Variants in XXYLT1 observed in about 807,000 individuals in gnomAD.
XXYLT1 encodes xyloside xylosyltransferase 1.
Under a neutral mutation model 28.9 loss-of-function variants are expected in XXYLT1, and 20 were observed. The observed-to-expected ratio is 0.69, with a 90% CI of 0.49 to 1.00. XXYLT1 has a LOEUF of 1.00. XXYLT1 is among the 50% of genes least tolerant of loss of function. XXYLT1 has a pLI of 0.00. For synonymous variants in XXYLT1, 257 were observed against 253.8 expected (o/e 1.01, Z -0.12); for missense variants, 542 against 560.1 (o/e 0.97, Z 0.33).
At chr3:195,137,245 G>A (rs1293658618) in intron 3 of XXYLT1, among the ~76,000 whole-genome samples, 1 of 152,170 alleles carries the variant, frequency 6.6e-6, no homozygotes, top group East Asian at 1.9e-4. Context: ...AGGGACAGGG[G>A]CATTACAAAC....
chr3:195,119,287 C>CA (rs11328657), intron 3 of XXYLT1, among the ~76,000 whole-genome samples: 2,972 of 109,556 alleles, frequency 0.027, 113 homozygotes, highest in African/African-American at 0.093. Context: ...CCATCTCAAA[C>CA]AAAAAAAAAA....
intron 1 of XXYLT1, among the ~76,000 whole-genome samples, chr3:195,252,692 CCACACACACACACA>C (rs774827660): frequency 8.3e-5 from 7 of 84,150 alleles, no homozygotes; most frequent in Non-Finnish European, 1.1e-4. Flanking sequence ...AGAAAAAAAA[CCACACACACACACA>C]CACACACACA....
chr3:195,261,517 T>C (rs543317401), intron 1 of XXYLT1, among the ~76,000 whole-genome samples: 248 of 152,332 alleles, frequency 1.6e-3, no homozygotes, highest in African/African-American at 5.5e-3. Context: ...GCTACTATTA[T>C]TCTCCTCATC....
At chr3:195,228,073 C>A (rs1433953631) in intron 1 of XXYLT1, among the ~76,000 whole-genome samples, 1 of 152,242 alleles carries the variant, frequency 6.6e-6, no homozygotes, top group Non-Finnish European at 1.5e-5. Context: ...CCTCCACCTT[C>A]TTCCTCAGTG....
rs6797160 is a variant in XXYLT1 at position 195,129,930 on chromosome 3, A to G, written c.785+26519T>C. ...TGTACCACTTCATATTCCCACCACC[A>G]GTGAGTGCGGGTTCCCATGCCTCCA... On this transcript the variant is annotated intron_variant, in intron 3 of 3. Coordinates refer to ENST00000310380, the MANE Select transcript of XXYLT1 (RefSeq NM_152531.5). This position sits in a 1 kb window ranked among gnomAD's most constrained non-coding sequence, Gnocchi z 4.4. Among the ~76,000 whole-genome samples the G allele has an allele frequency of 0.57, 85,922 of 151,964 alleles. 24,654 individuals carry two copies. Among genetic ancestry groups the G allele is most frequent in the East Asian group, 0.84 (4,329 of 5,178 alleles).
chr3:195,249,908 C>T (rs963974957), intron 1 of XXYLT1, among the ~76,000 whole-genome samples: 7 of 152,174 alleles, frequency 4.6e-5, no homozygotes, highest in African/African-American at 1.7e-4. Context: ...CACCACCCAC[C>T]ACCACCACAG....
chr3:195,238,850 C>T (rs1407446361), intron 1 of XXYLT1, among the ~76,000 whole-genome samples: 2 of 152,188 alleles, frequency 1.3e-5, no homozygotes, highest in South Asian at 2.1e-4. Flanking sequence ...AGAGGGTTCT[C>T]GCAGAAGGGA....
chr3:195,109,547 GGTGT>G (rs150076566), intron 3 of XXYLT1, among the ~76,000 whole-genome samples: 1 of 141,982 alleles, frequency 7.0e-6, no homozygotes, highest in African/African-American at 2.7e-5. Flanking sequence ...ATGTGTAGGG[GGTGT>G]GTGTGTGCAT....
chr3:195,264,080 C>G (rs1725770114), intron 1 of XXYLT1, among the ~76,000 whole-genome samples: 1 of 152,184 alleles, frequency 6.6e-6, no homozygotes, highest in African/African-American at 2.4e-5. Flanking sequence ...TATGCAGAAC[C>G]TGCCCATCCC....
At chr3:195,258,755 C>T (rs1190740247) in intron 1 of XXYLT1, among the ~76,000 whole-genome samples, 1 of 152,220 alleles carries the variant, frequency 6.6e-6, no homozygotes, top group Non-Finnish European at 1.5e-5. Context: ...AAGGCTAAGG[C>T]ATCCTGTGCT....
chr3:195,162,857 C>T (rs897034721), intron 2 of XXYLT1, among the ~76,000 whole-genome samples: 2 of 152,160 alleles, frequency 1.3e-5, no homozygotes, highest in South Asian at 2.1e-4. Flanking sequence ...GGCTTACGCA[C>T]GGATTGATGT....
intron 3 of XXYLT1, among the ~76,000 whole-genome samples, chr3:195,117,114 T>TATACACACACACACAC (rs1553805413): frequency 3.4e-5 from 5 of 148,630 alleles, no homozygotes; most frequent in African/African-American, 5.0e-5. Flanking sequence ...ATATAGTGTA[T>TATACACACACACACAC]ACACACACAC....
intron 2 of XXYLT1, among the ~76,000 whole-genome samples, chr3:195,212,984 G>A (rs958697346): frequency 3.3e-5 from 5 of 152,104 alleles, no homozygotes; most frequent in African/African-American, 1.2e-4. Context: ...CCATCCCCGG[G>A]GCCCCCACCA....
At chr3:195,088,998 C>G (rs539620351) in intron 3 of XXYLT1, among the ~76,000 whole-genome samples, 1,761 of 152,232 alleles carry the variant, frequency 0.012, 22 homozygotes, top group African/African-American at 0.04. Flanking sequence ...AAGAAATGAG[C>G]AAAGCCTCCA....
chr3:195,238,453 T>G (rs1462985097), intron 1 of XXYLT1, among the ~76,000 whole-genome samples: 1 of 152,192 alleles, frequency 6.6e-6, no homozygotes, highest in Admixed American at 6.5e-5. Flanking sequence ...CATGGGGCAC[T>G]CCTCGTAGGC....
At chr3:195,263,639 T>C (rs933098296) in intron 1 of XXYLT1, among the ~76,000 whole-genome samples, 11 of 152,164 alleles carry the variant, frequency 7.2e-5, no homozygotes, top group Non-Finnish European at 1.5e-4. Flanking sequence ...AATAAATATC[T>C]TTCCTTTCTA....
chr3:195,270,288 C>T (rs2108863977), intron 1 of XXYLT1: 1 of 766,430 alleles, frequency 1.3e-6, no homozygotes, highest in Non-Finnish European at 2.0e-6. Flanking sequence ...CGCGGACTCT[C>T]CTGGGGGCTG....
At chr3:195,258,414 C>G (rs1725558723) in intron 1 of XXYLT1, among the ~76,000 whole-genome samples, 1 of 152,116 alleles carries the variant, frequency 6.6e-6, no homozygotes, top group East Asian at 1.9e-4. Context: ...ACCAAGAAAA[C>G]AAATCAAAAA....
chr3:195,204,517 C>T (rs995915007), intron 2 of XXYLT1, among the ~76,000 whole-genome samples: 3 of 150,394 alleles, frequency 2.0e-5, no homozygotes, highest in Non-Finnish European at 2.9e-5. Flanking sequence ...GTGGCATCTT[C>T]GTGTTCCAGT....
Sources: gnomAD v4.1 joint callset for allele counts (sites outside exome capture counted in the v4.1 genomes callset) on GRCh38, gnomAD v4.1.1 for gene constraint, Gnocchi (gnomAD v3.1) non-coding constraint, MANE v1.5 for transcripts, NCBI Gene and HGNC (gene_info 2026-07-23, HGNC 2026-07-21) for gene names.